PIK3C2G: variants seen among roughly 807,000 people sequenced by gnomAD.
The protein encoded by PIK3C2G is phosphatidylinositol-4-phosphate 3-kinase catalytic subunit type 2 gamma, also known as phosphatidylinositol 3-kinase C2 domain-containing subunit gamma.
Under a neutral mutation model 181.1 loss-of-function variants are expected in PIK3C2G, and 168 were observed. That is an observed-to-expected ratio of 0.93 (90% CI 0.82 to 1.05). PIK3C2G has a LOEUF of 1.05. PIK3C2G is among the 50% of genes least tolerant of loss of function. The probability of loss-of-function intolerance (pLI) is 0.00; values close to 1 mark genes in which losing one functional copy is unlikely to be tolerated. For synonymous variants in PIK3C2G, 573 were observed against 592.2 expected (o/e 0.97, Z 0.47); for missense variants, 1,869 against 1,732.8 (o/e 1.08, Z -1.40).
the PIK3C2G span, among the ~76,000 whole-genome samples, chr12:18,666,033 C>G: frequency 6.6e-6 from 1 of 150,876 alleles, no homozygotes; most frequent in East Asian, 2.0e-4. Flanking sequence ...TTAATTTAAA[C>G]TAGATTATTA....
At chr12:18,552,284 T>C (rs1944774389) in intron 26 of PIK3C2G, among the ~76,000 whole-genome samples, 1 of 152,166 alleles carries the variant, frequency 6.6e-6, no homozygotes, top group African/African-American at 2.4e-5. Flanking sequence ...ACAAGACTCT[T>C]TATGCTCAAA....
intron 11 of PIK3C2G, among the ~76,000 whole-genome samples, chr12:18,354,964 A>G (rs1271608519): frequency 6.7e-6 from 1 of 149,346 alleles, no homozygotes; most frequent in Admixed American, 7.1e-5. Context: ...GCACCCATGA[A>G]GCAGGGAGGT....
intron 31 of PIK3C2G, among the ~76,000 whole-genome samples, chr12:18,634,022 G>A (rs1949479265): frequency 6.6e-6 from 1 of 152,116 alleles, no homozygotes; most frequent in Non-Finnish European, 1.5e-5. Context: ...TATATTGGAT[G>A]CTGGTTCAGA....
At chr12:18,360,401 T>C (rs966347384) in intron 11 of PIK3C2G, among the ~76,000 whole-genome samples, 1 of 152,194 alleles carries the variant, frequency 6.6e-6, no homozygotes, top group Admixed American at 6.5e-5. Context: ...GAGTTAAAAG[T>C]AATTTATTTA....
chr12:18,557,504 C>A (rs1337232550), intron 26 of PIK3C2G, among the ~76,000 whole-genome samples: 2 of 152,012 alleles, frequency 1.3e-5, no homozygotes, highest in Admixed American at 6.6e-5. Context: ...ATGTCATTAA[C>A]GTATAGCTAA....
At chr12:18,612,271 C>T (rs566420943) in intron 31 of PIK3C2G, among the ~76,000 whole-genome samples, 5 of 152,162 alleles carry the variant, frequency 3.3e-5, no homozygotes, top group East Asian at 3.9e-4. Flanking sequence ...TCACATGTCC[C>T]GAATGCTTGT....
chr12:18,464,930 T>G (rs995022640), intron 18 of PIK3C2G, among the ~76,000 whole-genome samples: 3 of 151,992 alleles, frequency 2.0e-5, no homozygotes, highest in African/African-American at 7.2e-5. Flanking sequence ...TTGCCTTCAT[T>G]TTCTGTTTCT....
chr12:18,531,472 C>T (rs766340691), intron 24 of PIK3C2G, among the ~76,000 whole-genome samples: 2 of 152,084 alleles, frequency 1.3e-5, no homozygotes, highest in African/African-American at 4.8e-5. Flanking sequence ...AAATACAGAA[C>T]AATTTCATCC....
At chr12:18,257,849 G>A (rs1380094078), upstream of PIK3C2G, among the ~76,000 whole-genome samples, 2 of 48,496 alleles carry the variant, frequency 4.1e-5, no homozygotes, top group Non-Finnish European at 9.7e-5. Context: ...AAAAGAAAGA[G>A]AAAGAAAGAA....
chr12:18,648,171 T>A lies in PIK3C2G; in HGVS notation c.*143T>A. 1 of 407,750 alleles carries A rather than the reference T, an allele frequency of 2.5e-6. No homozygotes were observed. The allele number at this position is 407,750 out of a possible 1,614,324, so 25.3% of individuals were successfully genotyped here. A position where few individuals can be genotyped will look rare whatever the true frequency, so the allele number is the denominator to read the frequency against. On this transcript the variant is annotated 3_prime_UTR_variant, in exon 33 of 33. Transcript: ENST00000538779. The stretch of plus-strand genomic sequence containing the variant: ...CACAGAAAAAAAATCAGAATTAGTC[T>A]TTTGTGTTGTTTATTTTCTACCTGT...
At chr12:18,588,734 A>G (rs1946917745) in intron 29 of PIK3C2G, among the ~76,000 whole-genome samples, 2 of 152,134 alleles carry the variant, frequency 1.3e-5, no homozygotes, top group African/African-American at 4.8e-5. Context: ...TAGCAATCCC[A>G]TTACTGGATA....
chr12:18,720,073 T>C, the PIK3C2G span, among the ~76,000 whole-genome samples: 1 of 152,202 alleles, frequency 6.6e-6, no homozygotes, highest in East Asian at 1.9e-4. Flanking sequence ...TTAGTTTTCT[T>C]TGGTTGTTGC....
At chr12:18,530,248 T>TTAAAA (rs1209620617) in intron 24 of PIK3C2G, among the ~76,000 whole-genome samples, 1 of 152,172 alleles carries the variant, frequency 6.6e-6, no homozygotes, top group Non-Finnish European at 1.5e-5. Flanking sequence ...TTCCTTTCTC[T>TTAAAA]TATAATAGAA....
At chr12:18,284,132 C>A (rs1444252928) in intron 2 of PIK3C2G, among the ~76,000 whole-genome samples, 1 of 152,040 alleles carries the variant, frequency 6.6e-6, no homozygotes, top group Non-Finnish European at 1.5e-5. Context: ...GATGTGCTTG[C>A]AAGCCTTAGT....
At chr12:18,467,485 G>T (rs61662525) in intron 18 of PIK3C2G, among the ~76,000 whole-genome samples, 1 of 142,992 alleles carries the variant, frequency 7.0e-6, no homozygotes, top group East Asian at 2.0e-4. Context: ...TTTATTTACA[G>T]GTTTTTTTTT....
At chr12:18,622,901 T>C (rs1054452244) in intron 31 of PIK3C2G, among the ~76,000 whole-genome samples, 3 of 151,844 alleles carry the variant, frequency 2.0e-5, no homozygotes, top group Non-Finnish European at 4.4e-5. Flanking sequence ...AATTGAATTG[T>C]TTTCTTTCTA....
chr12:18,362,888 T>G lies in PIK3C2G; in HGVS notation c.1748+2T>G. The stretch of plus-strand genomic sequence containing the variant: ...TTTCTTGGTCAACTGGAATGAAACG[T>G]AAGTTTAATCTTTACTGTATCTGGA... On this transcript the variant is annotated splice_donor_variant, in intron 12 of 32. Transcript: ENST00000538779. LOFTEE classifies it high-confidence loss of function. 1 of 1,498,688 alleles carries G rather than the reference T, an allele frequency of 6.7e-7. No individual in the cohort carries two copies. The highest frequency in any genetic ancestry group is 8.9e-7 in the Non-Finnish European group (1 of 1,128,650). The allele number at this position is 1,498,688 out of a possible 1,614,324, so 92.8% of individuals were successfully genotyped here. A position where few individuals can be genotyped will look rare whatever the true frequency, so the allele number is the denominator to read the frequency against.
At chr12:18,598,259 C>T (rs1947488753) in intron 30 of PIK3C2G, among the ~76,000 whole-genome samples, 1 of 151,688 alleles carries the variant, frequency 6.6e-6, no homozygotes, top group Non-Finnish European at 1.5e-5. Context: ...TACTACAAGG[C>T]TACAGTAACC....
At chr12:18,646,339 T>A (rs981498630) in intron 32 of PIK3C2G, among the ~76,000 whole-genome samples, 1 of 152,192 alleles carries the variant, frequency 6.6e-6, no homozygotes, top group Non-Finnish European at 1.5e-5. Context: ...TAATCTCCTG[T>A]ATGGAATGAG....
Sources: gnomAD v4.1 joint callset for allele counts (sites outside exome capture counted in the v4.1 genomes callset) on GRCh38, gnomAD v4.1.1 for gene constraint, MANE v1.5 for transcripts, NCBI Gene and HGNC (gene_info 2026-07-23, HGNC 2026-07-21) for gene names.